The following LRBA variants were observed in gnomAD, a reference collection of about 807,000 sequenced individuals.
LRBA encodes LPS responsive beige-like anchor protein.
LRBA carries 176 observed loss-of-function variants against 330.0 expected under a neutral mutation model. That is an observed-to-expected ratio of 0.53 (90% CI 0.47 to 0.60). LRBA has a LOEUF of 0.60. Ranked by LOEUF, LRBA falls within the 20% of genes least tolerant of loss-of-function variation. The pLI is 0.00. For missense variants in LRBA, 3,259 were observed against 3,444.8 expected (o/e 0.95, Z 1.35); for synonymous variants, 1,230 against 1,193.0 (o/e 1.03, Z -0.64).
intron 40 of LRBA, among the ~76,000 whole-genome samples, chr4:150,586,779 A>T (rs970202831): frequency 6.6e-6 from 1 of 152,196 alleles, no homozygotes; most frequent in Non-Finnish European, 1.5e-5. Context: ...ACACTTTTAA[A>T]TTAAATCAAA....
intron 36 of LRBA, 116 bp from the exon 37 acceptor site, chr4:150,683,833 T>C (rs931584499): frequency 1.4e-6 from 1 of 692,172 alleles, no homozygotes; most frequent in African/African-American, 1.8e-5. Context: ...TACTTTTACA[T>C]TCCTCATTCA....
At chr4:150,443,525 G>C (rs375255816) in intron 44 of LRBA, among the ~76,000 whole-genome samples, 1 of 151,976 alleles carries the variant, frequency 6.6e-6, no homozygotes, top group East Asian at 1.9e-4. Flanking sequence ...CCATAAAAAA[G>C]GATGAGTTCA....
rs182697083 is a variant in LRBA at position 150,308,135 on chromosome 4, T to C, written c.7849+2094A>G. 4.9e-4 allele frequency among the ~76,000 whole-genome samples: 75 copies of C among 152,348 alleles called. 1 individual carries two copies. The East Asian group carries it at 0.013, about 27-fold the overall frequency. On this transcript the variant is annotated intron_variant, in intron 52 of 56. Transcript: ENST00000651943. ...AATTTTAATTTAAAAGATTTTTCAA[T>C]TCCTACAACATTAAATAAAGATATA...
Position 150,490,898 on chromosome 4 carries a change from G to T in LRBA, c.6448+20C>A. ...AGATGGAAGTTAGCTCTGTAACAAC[G>T]TATTTCTGTAACACATTACCTCTGT... On this transcript the variant is annotated intron_variant, in intron 41 of 56. Transcript: ENST00000651943. The T allele has an allele frequency of 1.4e-6, 2 of 1,394,466 alleles. No homozygotes were observed. The highest frequency in any genetic ancestry group is 1.0e-6 in the Non-Finnish European group (1 of 986,524). The allele number at this position is 1,394,466 out of a possible 1,614,324, so 86.4% of individuals were successfully genotyped here.
intron 2 of LRBA, among the ~76,000 whole-genome samples, chr4:151,001,826 A>G (rs1743375423): frequency 1.3e-5 from 2 of 152,142 alleles, no homozygotes; most frequent in Non-Finnish European, 2.9e-5. Flanking sequence ...GTGCCAGTGT[A>G]TGCTGCCCTA....
chr4:150,636,456 C>A (rs1581878936), intron 37 of LRBA, among the ~76,000 whole-genome samples: 1 of 152,110 alleles, frequency 6.6e-6, no homozygotes, highest in East Asian at 1.9e-4. Context: ...TTGAGCACTT[C>A]TTTACATTCT....
intron 13 of LRBA, among the ~76,000 whole-genome samples, chr4:150,902,878 T>G (rs1417299046): frequency 6.6e-6 from 1 of 152,114 alleles, no homozygotes; most frequent in African/African-American, 2.4e-5. Context: ...CCCAACTGAT[T>G]CTATCAGCAG....
intron 2 of LRBA, among the ~76,000 whole-genome samples, chr4:150,995,418 A>G (rs927276099): frequency 1.3e-5 from 2 of 152,144 alleles, no homozygotes; most frequent in Non-Finnish European, 2.9e-5. Context: ...GATGAGGAAC[A>G]TGAAAATAAT....
At chr4:150,814,623 A>T (rs1028902416) in intron 31 of LRBA, among the ~76,000 whole-genome samples, 2 of 151,894 alleles carry the variant, frequency 1.3e-5, no homozygotes, top group African/African-American at 4.8e-5. Context: ...TGAAAAAGCA[A>T]TAACTGTTTT....
chr4:150,606,625 T>C (rs908096019), intron 37 of LRBA, among the ~76,000 whole-genome samples: 8 of 152,194 alleles, frequency 5.3e-5, no homozygotes, highest in African/African-American at 9.6e-5. Flanking sequence ...TCAACAACCC[T>C]GCCATGATTA....
chr4:150,634,310 T>C (rs551587682), intron 37 of LRBA, among the ~76,000 whole-genome samples: 32 of 152,366 alleles, frequency 2.1e-4, no homozygotes, highest in African/African-American at 7.5e-4. Context: ...TATTAATAGC[T>C]GTCTCTCCTT....
chr4:150,717,943 A>C (rs1245519127), intron 36 of LRBA, among the ~76,000 whole-genome samples: 1 of 152,104 alleles, frequency 6.6e-6, no homozygotes, highest in African/African-American at 2.4e-5. Flanking sequence ...TCATCAGTAC[A>C]TATGTTTTAC....
At chr4:150,739,678 C>T (rs942452987) in intron 35 of LRBA, among the ~76,000 whole-genome samples, 6 of 152,278 alleles carry the variant, frequency 3.9e-5, no homozygotes, top group Middle Eastern at 3.4e-3. Context: ...ACTCTATTGA[C>T]GCTCTCCCTT....
At position 150,584,235 on chromosome 4, in the gene LRBA, A is replaced by C. The variant is rs567573442; in HGVS notation, c.6330+3813T>G. The C allele has an allele frequency of 2.8e-4, 310 of 1,090,614 alleles. 1 individual carries two copies. In the South Asian group the frequency reaches 8.7e-3, roughly 31 times the overall value. The allele number at this position is 1,090,614 out of a possible 1,614,324, so 67.6% of individuals were successfully genotyped here. On this transcript the variant is annotated intron_variant, in intron 40 of 56. Coordinates refer to ENST00000651943, the MANE Select transcript of LRBA (RefSeq NM_001364905.1). ...AAGTCACCTGAAATAGGAATCCGGCAGAAGACCTTCATTAATTAAGAAGCA... is the reference window on the plus strand; with the variant it reads ...AAGTCACCTGAAATAGGAATCCGGCCGAAGACCTTCATTAATTAAGAAGCA...
chr4:150,306,533 T>A (rs898031462), intron 52 of LRBA, among the ~76,000 whole-genome samples: 2 of 152,230 alleles, frequency 1.3e-5, no homozygotes, highest in Admixed American at 6.5e-5. Flanking sequence ...AGATTTTTTT[T>A]ATACAACTTT....
chr4:150,478,123 T>C (rs1756918897), intron 42 of LRBA, among the ~76,000 whole-genome samples: 1 of 152,056 alleles, frequency 6.6e-6, no homozygotes, highest in African/African-American at 2.4e-5. Flanking sequence ...TCTTGGCATT[T>C]TACAATCTCT....
At chr4:150,894,263 C>CT (rs1729815897) in intron 16 of LRBA, among the ~76,000 whole-genome samples, 1 of 152,086 alleles carries the variant, frequency 6.6e-6, no homozygotes, top group Admixed American at 6.6e-5. Context: ...TTCACTGTGC[C>CT]TCTCCAGAAA....
At chr4:150,964,026 G>A (rs1002628406) in intron 2 of LRBA, among the ~76,000 whole-genome samples, 3 of 146,134 alleles carry the variant, frequency 2.1e-5, no homozygotes, top group Non-Finnish European at 3.0e-5. Flanking sequence ...GTCTCTGACC[G>A]GCCGCCCCAT....
chr4:150,385,934 T>C (rs1033036134), intron 47 of LRBA, among the ~76,000 whole-genome samples: 2 of 151,922 alleles, frequency 1.3e-5, no homozygotes, highest in African/African-American at 2.4e-5. Flanking sequence ...CACAGGAAAA[T>C]TGGCAGCTTT....
Sources: allele counts gnomAD v4.1 joint callset (sites outside exome capture counted in the v4.1 genomes callset), GRCh38; gene constraint gnomAD v4.1.1; transcripts MANE v1.5; gene names NCBI Gene and HGNC (gene_info 2026-07-23, HGNC 2026-07-21).